QRICH1: variants seen among roughly 807,000 people sequenced by gnomAD.
QRICH1 encodes glutamine rich 1, also known as transcriptional regulator QRICH1.
In QRICH1, 16 loss-of-function variants were observed where a neutral mutation model predicts 87.1. The ratio of observed to expected loss-of-function variants is 0.18; its 90% confidence interval spans 0.12 to 0.28. The LOEUF is 0.28. Ranked by LOEUF, QRICH1 falls within the 10% of genes least tolerant of loss-of-function variation. The pLI, the probability that QRICH1 is intolerant of heterozygous loss-of-function variation, is 1.00. For missense variants in QRICH1, 647 were observed against 951.7 expected (o/e 0.68, Z 4.21); for synonymous variants, 367 against 368.4 (o/e 1.00, Z 0.05).
At chr3:49,069,149 G>A (rs2093486503) in intron 2 of QRICH1, among the ~76,000 whole-genome samples, 1 of 147,210 alleles carries the variant, frequency 6.8e-6, no homozygotes, top group African/African-American at 2.5e-5. Flanking sequence ...TGTCGCCCAG[G>A]CTGGAGTGCA....
At chr3:49,038,173 G>C (rs960009614) in intron 6 of QRICH1, among the ~76,000 whole-genome samples, 1 of 150,986 alleles carries the variant, frequency 6.6e-6, no homozygotes, top group Non-Finnish European at 1.5e-5. Flanking sequence ...CCATTCTCCT[G>C]CCTCAGCCTC....
intron 1 of QRICH1, among the ~76,000 whole-genome samples, chr3:49,082,692 G>A (rs1336153547): frequency 2.0e-5 from 3 of 151,166 alleles, no homozygotes; most frequent in South Asian, 4.2e-4. Flanking sequence ...TCGGGAGATC[G>A]AGACCACCCT....
chr3:49,067,586 G>T (rs1413802849), intron 2 of QRICH1, among the ~76,000 whole-genome samples: 1 of 151,138 alleles, frequency 6.6e-6, no homozygotes, highest in Non-Finnish European at 1.5e-5. Context: ...AAACAAAAAA[G>T]AAATTAAATG....
rs866353908 is a variant in QRICH1 at position 49,033,163 on chromosome 3, A to G, written c.1852T>C (p.Ser618Pro). The change falls in exon 7 of 10, where the codon TCC becomes CCC. Residue 618 changes from serine (S) to proline (P), a missense_variant. Physicochemically the swap from Ser to Pro is moderately conservative, Grantham distance 74 (BLOSUM62 -1). This residue lies in a region of QRICH1 where 187 missense variants were observed against 309.5 expected (regional missense o/e 0.60). Transcript: ENST00000395443. ...LWECKQLGAHSPSTLLTTLMF... is the reference protein window; with the variant it reads ...LWECKQLGAHPPSTLLTTLMF... ...AGGGTGGTCAGCAAGGTGGAGGGGG[A>G]GTGAGCCCCAAGCTGCTTGCACTCC... is the stretch of plus-strand genomic sequence containing the variant. 4.4e-6 allele frequency: 7 copies of G among 1,578,476 alleles called. No individual in the cohort carries two copies. Among genetic ancestry groups the G allele is most frequent in the Admixed American group, 3.7e-5 (2 of 54,142 alleles).
intron 2 of QRICH1, among the ~76,000 whole-genome samples, chr3:49,076,232 A>T (rs2106979294): frequency 6.6e-6 from 1 of 152,346 alleles, no homozygotes; most frequent in East Asian, 1.9e-4. Flanking sequence ...AAGTACAATG[A>T]CATGGCAGCA....
At chr3:49,072,010 C>T (rs1369508518) in intron 2 of QRICH1, among the ~76,000 whole-genome samples, 1 of 152,028 alleles carries the variant, frequency 6.6e-6, no homozygotes, top group African/African-American at 2.4e-5. Context: ...TTTTACTTAA[C>T]CTTTCCTGTA....
Position 49,056,961 on chromosome 3 carries a change from G to T in QRICH1, c.1239C>A (p.Val413=). The change falls in exon 3 of 10, where the codon GTC becomes GTA. Residue 413 remains valine (V), a synonymous_variant. Coordinates refer to ENST00000395443, the MANE Select transcript of QRICH1 (RefSeq NM_198880.3). ...GCTGCTGTTGGGGGTCCCATATATG[G>T]ACAGTTTGAGCCGTATTCTGGTACG... is the stretch of plus-strand genomic sequence containing the variant. ...AGTYQNTAQT[V]HIWDPQQQPQ... 1.9e-6 allele frequency: 3 copies of T among 1,614,158 alleles called. No homozygotes were observed. Among genetic ancestry groups the T allele is most frequent in the Non-Finnish European group, 2.5e-6 (3 of 1,180,042 alleles).
At chr3:49,048,208 C>T (rs1468559078) in intron 3 of QRICH1, among the ~76,000 whole-genome samples, 2 of 151,106 alleles carry the variant, frequency 1.3e-5, no homozygotes, top group Non-Finnish European at 2.9e-5. Context: ...TCTCGGCTCA[C>T]CTCAACCTCT....
chr3:49,057,675 T>C lies in QRICH1; in HGVS notation c.525A>G (p.Gln175=). The C allele has an allele frequency of 1.9e-6, 3 of 1,614,162 alleles. No individual in the cohort carries two copies. Among genetic ancestry groups the C allele is most frequent in the South Asian group, 2.2e-5 (2 of 91,076 alleles). ...QAAQIQVQHV[Q]AAQQIQAAEI... ...CTGCAGCCTGGATCTGCTGGGCTGC[T>C]TGCACGTGCTGCACCTGGATCTGAG... Residue 175 remains glutamine (Q), a synonymous_variant, in exon 3 of 10, where the codon CAA becomes CAG. Transcript: ENST00000395443. The surrounding 1 kb of genome is among the most constrained non-coding windows in gnomAD (Gnocchi z 5.4).
In QRICH1 at chr3:49,087,818, C is replaced by CAAAAAAAAAAAAAAAAAAAAAAAAAAAA. The variant is rs58022360; in HGVS notation, c.-22+6093_-22+6094insTTTTTTTTTTTTTTTTTTTTTTTTTTTT. 6.3e-5 allele frequency among the ~76,000 whole-genome samples: 3 copies of CAAAAAAAAAAAAAAAAAAAAAAAAAAAA among 47,684 alleles called. 1 individual carries two copies. Among genetic ancestry groups the CAAAAAAAAAAAAAAAAAAAAAAAAAAAA allele is most frequent in the African/African-American group, 2.6e-4 (3 of 11,512 alleles). 31.3% of individuals were successfully genotyped at this position (47,684 alleles called of 152,430 possible). ...GAACTCAGGAGGCGGAGGTTCATCT[C>CAAAAAAAAAAAAAAAAAAAAAAAAAAAA]AAAAAAAAAAAAAAAAAAAAAGAAC... On this transcript the variant is annotated intron_variant, in intron 1 of 9. Coordinates refer to ENST00000395443, the MANE Select transcript of QRICH1 (RefSeq NM_198880.3).
chr3:49,065,182 C>G (rs1399547000), intron 2 of QRICH1, among the ~76,000 whole-genome samples: 2 of 149,832 alleles, frequency 1.3e-5, no homozygotes, highest in African/African-American at 4.9e-5. Context: ...GTTGCCCAGG[C>G]TGGAGTACAG....
chr3:49,056,680 A>G (rs1321746809), intron 3 of QRICH1, 182 bp downstream of exon 3: 2 of 1,137,962 alleles, frequency 1.8e-6, no homozygotes, highest in Non-Finnish European at 2.5e-6. Context: ...GTACCAGGAT[A>G]AACTCTTTTT....
chr3:49,064,250 T>C (rs1559942683), intron 2 of QRICH1, among the ~76,000 whole-genome samples: 1 of 144,570 alleles, frequency 6.9e-6, no homozygotes, highest in Non-Finnish European at 1.5e-5. Flanking sequence ...TTTTTTTTTT[T>C]TTTTTTTTGG....
At chr3:49,060,304 C>T (rs971435128) in intron 2 of QRICH1, among the ~76,000 whole-genome samples, 1 of 152,124 alleles carries the variant, frequency 6.6e-6, no homozygotes, top group African/African-American at 2.4e-5. Context: ...TGCCATTCTC[C>T]TGCCTCAGCC....
chr3:49,094,262 G>A (rs1293436540), upstream of QRICH1: 5 of 378,438 alleles, frequency 1.3e-5, no homozygotes, highest in Admixed American at 4.5e-5. Flanking sequence ...CATGTGGGGC[G>A]GAGCTAGGGC....
Position 49,093,944 on chromosome 3 carries a change from T to C in QRICH1, c.-54A>G. 2.6e-6 allele frequency: 1 copy of C among 382,766 alleles called. No individual in the cohort carries two copies. Among genetic ancestry groups the C allele is most frequent in the Non-Finnish European group, 4.6e-6 (1 of 218,626 alleles). The allele number at this position is 382,766 out of a possible 1,614,324, so 23.7% of individuals were successfully genotyped here. A position where few individuals can be genotyped will look rare whatever the true frequency, so the allele number is the denominator to read the frequency against. On this transcript the variant is annotated 5_prime_UTR_variant, in exon 1 of 10. Coordinates refer to ENST00000395443, the MANE Select transcript of QRICH1 (RefSeq NM_198880.3). ...CGTCACTGCCGCCGCCGCCGCCGCC[T>C]CCGCTGCACCCGCCGGCCCCGCCGC... is the stretch of plus-strand genomic sequence containing the variant.
At chr3:49,079,391 GAAAT>G (rs1216082333) in intron 1 of QRICH1, among the ~76,000 whole-genome samples, 1 of 146,496 alleles carries the variant, frequency 6.8e-6, no homozygotes, top group African/African-American at 2.5e-5. Context: ...TCTGTTAAAA[GAAAT>G]AAATAAATAA....
At chr3:49,069,543 A>ATTTTTTTTTTTTTTTTTTT (rs372639913) in intron 2 of QRICH1, among the ~76,000 whole-genome samples, 1 of 122,796 alleles carries the variant, frequency 8.1e-6, no homozygotes, top group Non-Finnish European at 1.6e-5. Context: ...ATGGGGGGGA[A>ATTTTTTTTTTTTTTTTTTT]TTTTTTTTTT....
rs1439481349 is a variant in QRICH1 at position 49,048,813 on chromosome 3, AAAAG to A, written c.1339-1571_1339-1568del. ...CAAAAAAAAAAACCAAAAAAAAAAA[AAAAG>A]AAAGAAACCTCACACTTGGGCCTTA... On this transcript the variant is annotated intron_variant, in intron 3 of 9. Coordinates refer to ENST00000395443, the MANE Select transcript of QRICH1 (RefSeq NM_198880.3). Among the ~76,000 whole-genome samples, 5 of 151,398 alleles carry A rather than the reference AAAAG, an allele frequency of 3.3e-5. No homozygotes were observed. In the East Asian group the frequency reaches 5.9e-4, roughly 18 times the overall value.
Sources: allele counts gnomAD v4.1 joint callset (sites outside exome capture counted in the v4.1 genomes callset), GRCh38; gene constraint gnomAD v4.1.1; regional missense constraint gnomAD v4.1.1; non-coding constraint Gnocchi (gnomAD v3.1); transcripts MANE v1.5; gene names NCBI Gene and HGNC (gene_info 2026-07-23, HGNC 2026-07-21).